The following NCOR2 variants were observed in gnomAD, a reference collection of about 807,000 sequenced individuals.
NCOR2 encodes nuclear receptor corepressor 2.
A neutral mutation model predicts 262.9 loss-of-function variants in NCOR2; 81 were observed. The observed-to-expected ratio is 0.31, with a 90% CI of 0.26 to 0.37. The LOEUF (loss-of-function observed/expected upper bound fraction) is 0.37, where lower values mean the gene tolerates loss of function less well. Ranked by LOEUF, NCOR2 falls within the 10% of genes least tolerant of loss-of-function variation. The pLI is 1.00. For synonymous variants in NCOR2, 1,659 were observed against 1,559.3 expected, an observed-to-expected ratio of 1.06 and a Z score of -1.51; for missense variants, 3,385 against 3,621.4, an observed-to-expected ratio of 0.93 and a Z score of 1.68.
rs570999377 is a variant in NCOR2 at position 124,532,712 on chromosome 12, C to T, written c.-118+2853G>A. On this transcript the variant is annotated intron_variant, in intron 1 of 46. Transcript: ENST00000404621. ...CTCCCCATTAGGCCGGAGACGGAGA[C>T]GCCGATGGACGGGGGACAGAGAGGC... Among the ~76,000 whole-genome samples the T allele has an allele frequency of 9.9e-5, 15 of 152,280 alleles. No homozygotes were observed. The South Asian group carries it at 2.5e-3, about 25-fold the overall frequency.
At position 124,549,557 on chromosome 12, in the gene NCOR2, G is replaced by T. The variant is rs2051647715; in HGVS notation, c.-164-13946C>A. Reference sequence around the variant, plus strand: ...CTGCCCCAGCGCCGGGGCACAGCGGGCTGAGGGAGCCCCAGGACAGAAGCG... The same window carrying T: ...CTGCCCCAGCGCCGGGGCACAGCGGTCTGAGGGAGCCCCAGGACAGAAGCG... On this transcript the variant is annotated intron_variant, in intron 1 of 32. Transcript: ENST00000458234. This position sits in a 1 kb window ranked among gnomAD's most constrained non-coding sequence, Gnocchi z 4.4. Among the ~76,000 whole-genome samples the T allele has an allele frequency of 6.6e-6, 1 of 152,110 alleles. No homozygotes were observed. Among genetic ancestry groups the T allele is most frequent in the Admixed American group, 6.5e-5 (1 of 15,282 alleles).
intron 20 of NCOR2, among the ~76,000 whole-genome samples, chr12:124,371,334 T>TC (rs1378947315): frequency 6.6e-6 from 1 of 151,972 alleles, no homozygotes; most frequent in Non-Finnish European, 1.5e-5. Context: ...TAGAACTGTG[T>TC]CCCCCCAGAG....
intron 45 of NCOR2, 72 bp downstream of exon 47, chr12:124,327,337 G>C: frequency 8.2e-7 from 1 of 1,221,048 alleles, no homozygotes; most frequent in Admixed American, 2.2e-5. Flanking sequence ...TGTCAGAGGA[G>C]CGCGGAGGAG....
At chr12:124,358,881 T>A (rs950703391) in intron 22 of NCOR2, among the ~76,000 whole-genome samples, 7 of 152,236 alleles carry the variant, frequency 4.6e-5, no homozygotes, top group Admixed American at 3.3e-4. Flanking sequence ...ACTGACTGAC[T>A]GTCCCCATTT....
At chr12:124,537,040 GC>G (rs1332199228), upstream of NCOR2, among the ~76,000 whole-genome samples, 1 of 152,200 alleles carries the variant, frequency 6.6e-6, no homozygotes, top group African/African-American at 2.4e-5. Context: ...CAGATTCAAG[GC>G]TGCAGACTCT....
At chr12:124,495,368 C>T (rs919412899), upstream of NCOR2, 3 of 1,442,018 alleles carry the variant, frequency 2.1e-6, no homozygotes, top group African/African-American at 2.9e-5. The surrounding 1 kb of genome is among the most constrained non-coding windows in gnomAD (Gnocchi z 4.4). Flanking sequence ...GTCACTGGCA[C>T]CTGCGGGAAA....
At chr12:124,520,731 CTGG>C (rs2050139104) in intron 1 of NCOR2, among the ~76,000 whole-genome samples, 1 of 152,194 alleles carries the variant, frequency 6.6e-6, no homozygotes, top group Admixed American at 6.5e-5. Context: ...AAGCCAGTGT[CTGG>C]TTATCTGCTC....
At chr12:124,329,077 T>C in intron 44 of NCOR2, 1 of 469,388 alleles carries the variant, frequency 2.1e-6, no homozygotes, top group Non-Finnish European at 4.4e-6. Context: ...GGCTTAACGA[T>C]CTCCATTTAT....
At chr12:124,468,194 CCTT>C (rs201922018) in intron 4 of NCOR2, among the ~76,000 whole-genome samples, 3 of 40,796 alleles carry the variant, frequency 7.4e-5, no homozygotes, top group South Asian at 1.5e-3. Context: ...TCACCCTCAT[CCTT>C]ATCACCCCCC....
chr12:124,344,622 C>T, exon 32 of NCOR2: 1 of 1,462,876 alleles, frequency 6.8e-7, no homozygotes. Context: ...GCGTGGGCTC[C>T]CGCGTGGTCA....
chr12:124,326,076 G>C, intron 46 of NCOR2, 115 bp downstream of exon 48: 1 of 1,203,176 alleles, frequency 8.3e-7, no homozygotes, highest in Non-Finnish European at 1.1e-6. Flanking sequence ...CCACAGAACA[G>C]GCCCGAGTCT....
intron 22 of NCOR2, among the ~76,000 whole-genome samples, chr12:124,361,371 C>T (rs1399967013): frequency 6.6e-6 from 1 of 152,236 alleles, no homozygotes; most frequent in Non-Finnish European, 1.5e-5. Context: ...TGCTGCGTGC[C>T]AGGCTGACCT....
At chr12:124,536,007 C>A (rs1478560497), upstream of NCOR2, among the ~76,000 whole-genome samples, 1 of 152,144 alleles carries the variant, frequency 6.6e-6, no homozygotes, top group Non-Finnish European at 1.5e-5. Context: ...TCGACGGACA[C>A]CTGAAGGATG....
At chr12:124,415,221 C>T (rs1265369504) in intron 13 of NCOR2, among the ~76,000 whole-genome samples, 1 of 152,244 alleles carries the variant, frequency 6.6e-6, no homozygotes, top group Non-Finnish European at 1.5e-5. Flanking sequence ...CCACCACTGC[C>T]TGCACCTCCC....
Position 124,443,497 on chromosome 12 carries a change from A to T in NCOR2, c.816-5501T>A, listed in dbSNP as rs556026545. Among the ~76,000 whole-genome samples the T allele has an allele frequency of 7.0e-6, 1 of 143,632 alleles. No homozygotes were observed. Among genetic ancestry groups the T allele is most frequent in the African/African-American group, 2.5e-5 (1 of 40,402 alleles). 94.2% of individuals were successfully genotyped at this position (143,632 alleles called of 152,430 possible). A position where few individuals can be genotyped will look rare whatever the true frequency, so the allele number is the denominator to read the frequency against. On this transcript the variant is annotated intron_variant, in intron 7 of 46. Transcript: ENST00000405201. This position sits in a 1 kb window ranked among gnomAD's most constrained non-coding sequence, Gnocchi z 4.4. ...TTGGGCTGTGGTGCTTTATTTATTT[A>T]TTTTTTATTTTTTATTTTTTTGAGA...
intron 7 of NCOR2, among the ~76,000 whole-genome samples, chr12:124,438,621 C>G (rs1215082833): frequency 6.6e-6 from 1 of 151,960 alleles, no homozygotes; most frequent in Non-Finnish European, 1.5e-5. Context: ...GTTACACACA[C>G]CACTGCAGGC....
intron 5 of NCOR2, among the ~76,000 whole-genome samples, chr12:124,461,253 G>A (rs934934642): frequency 2.0e-5 from 3 of 152,232 alleles, no homozygotes; most frequent in Admixed American, 1.3e-4. Flanking sequence ...GGCTGACGCC[G>A]CAGGGGAGGT....
chr12:124,506,576 AC>A (rs5801558), intron 1 of NCOR2, among the ~76,000 whole-genome samples: 22,911 of 148,836 alleles, frequency 0.15, 1,919 homozygotes, highest in South Asian at 0.25. Context: ...CTGTGGCTCC[AC>A]CCGAGAAGCC....
At chr12:124,445,437 G>A (rs888991212) in intron 7 of NCOR2, among the ~76,000 whole-genome samples, 1 of 152,220 alleles carries the variant, frequency 6.6e-6, no homozygotes, top group East Asian at 1.9e-4. Context: ...GGCTACGGGC[G>A]ACTCCAACGC....
Sources: gnomAD v4.1 joint callset for allele counts (sites outside exome capture counted in the v4.1 genomes callset) on GRCh38, gnomAD v4.1.1 for gene constraint, Gnocchi (gnomAD v3.1) non-coding constraint, MANE v1.5 for transcripts, NCBI Gene and HGNC (gene_info 2026-07-23, HGNC 2026-07-21) for gene names.